The following SPTLC1 variants were observed in gnomAD, a reference collection of about 807,000 sequenced individuals.
SPTLC1 encodes serine palmitoyltransferase 1.
Under a neutral mutation model 68.9 loss-of-function variants are expected in SPTLC1, and 55 were observed. The ratio of observed to expected loss-of-function variants is 0.80; its 90% confidence interval spans 0.64 to 1.00. SPTLC1 has a LOEUF of 1.00. Ranked by LOEUF, SPTLC1 falls within the 50% of genes least tolerant of loss-of-function variation. The probability of loss-of-function intolerance (pLI) is 0.00; values close to 1 mark genes in which losing one functional copy is unlikely to be tolerated. For synonymous variants in SPTLC1, 197 were observed against 201.6 expected, an observed-to-expected ratio of 0.98 and a Z score of 0.19; for missense variants, 449 against 573.1, an observed-to-expected ratio of 0.78 and a Z score of 2.21.
chr9:92,066,694 TA>T (rs1345814751), intron 6 of SPTLC1, among the ~76,000 whole-genome samples: 4 of 152,152 alleles, frequency 2.6e-5, no homozygotes, highest in African/African-American at 9.7e-5. Context: ...ATTTACATTT[TA>T]AAAAGATTAC....
intron 3 of SPTLC1, among the ~76,000 whole-genome samples, chr9:92,082,901 G>C (rs1278411495): frequency 6.6e-6 from 1 of 151,904 alleles, no homozygotes; most frequent in African/African-American, 2.4e-5. Context: ...TCCAGCACCT[G>C]TTGTTTCCTG....
At position 92,105,802 on chromosome 9, in the gene SPTLC1, G is replaced by A. The variant is rs7467611; in HGVS notation, c.260+2938C>T. 9.7e-3 allele frequency among the ~76,000 whole-genome samples: 1,390 copies of A among 143,564 alleles called. 25 individuals are homozygous for A. Among genetic ancestry groups the A allele is most frequent in the African/African-American group, 0.035 (1,340 of 38,238 alleles). The allele number at this position is 143,564 out of a possible 152,430, so 94.2% of individuals were successfully genotyped here. ...AAGTAAGGAGCGCCTCTGCCTTGCC[G>A]CCGTCCTGTCTGCGAAGTGAGGAGT... On this transcript the variant is annotated intron_variant, in intron 3 of 14. Coordinates refer to ENST00000262554, the MANE Select transcript of SPTLC1 (RefSeq NM_006415.4).
chr9:92,087,660 G>T (rs1196337823), intron 3 of SPTLC1, among the ~76,000 whole-genome samples: 1 of 152,184 alleles, frequency 6.6e-6, no homozygotes, highest in African/African-American at 2.4e-5. Flanking sequence ...CCTACTGGGG[G>T]GTGCCTCCCA....
At chr9:92,090,051 A>G (rs1337153454) in intron 3 of SPTLC1, among the ~76,000 whole-genome samples, 4 of 152,276 alleles carry the variant, frequency 2.6e-5, no homozygotes, top group South Asian at 2.1e-4. Flanking sequence ...GAATCTCTAC[A>G]TAACAATCTA....
chr9:92,057,711 A>C (rs958438230), intron 7 of SPTLC1, among the ~76,000 whole-genome samples: 2 of 152,212 alleles, frequency 1.3e-5, no homozygotes, highest in Non-Finnish European at 1.5e-5. Context: ...ATGGACAAAG[A>C]AAACATTCAA....
intron 6 of SPTLC1, among the ~76,000 whole-genome samples, chr9:92,064,087 T>C (rs868371843): frequency 6.6e-6 from 1 of 152,232 alleles, no homozygotes; most frequent in African/African-American, 2.4e-5. Context: ...ACTGTCTACA[T>C]GGAAAATCCT....
chr9:92,098,009 G>A (rs1353108178), intron 3 of SPTLC1, among the ~76,000 whole-genome samples: 2 of 152,162 alleles, frequency 1.3e-5, no homozygotes, highest in South Asian at 2.1e-4. Context: ...TTGAAGAAAA[G>A]TAACACTGAA....
intron 6 of SPTLC1, among the ~76,000 whole-genome samples, chr9:92,065,865 G>A (rs1461705806): frequency 6.6e-6 from 1 of 152,154 alleles, no homozygotes; most frequent in Non-Finnish European, 1.5e-5. Flanking sequence ...GTGAGGAATG[G>A]GTCACATGTA....
chr9:92,035,453 T>C (rs960746620), intron 13 of SPTLC1, among the ~76,000 whole-genome samples: 5 of 152,328 alleles, frequency 3.3e-5, no homozygotes, highest in African/African-American at 1.2e-4. Context: ...ATTAACCATC[T>C]GTCAACATTA....
In SPTLC1 at chr9:92,068,334, G is replaced by A. The variant is rs1834365119; in HGVS notation, c.428-236C>T. 7.2e-5 allele frequency among the ~76,000 whole-genome samples: 11 copies of A among 152,256 alleles called. No homozygotes were observed. The South Asian group carries it at 2.3e-3, about 32-fold the overall frequency. ...GCATCTATCTGCAAAATGTGTTACT[G>A]GGGCAGTTCCAACTTCTGGTTATGC... On this transcript the variant is annotated intron_variant, in intron 5 of 14. Transcript: ENST00000262554.
chr9:92,064,866 C>CAA, intron 6 of SPTLC1, among the ~76,000 whole-genome samples: 1 of 152,212 alleles, frequency 6.6e-6, no homozygotes, highest in African/African-American at 2.4e-5. Context: ...GTGTTGCCTA[C>CAA]TGGATGATTC....
intron 12 of SPTLC1, among the ~76,000 whole-genome samples, chr9:92,039,880 A>G (rs1833278603): frequency 6.6e-6 from 1 of 152,194 alleles, no homozygotes; most frequent in Admixed American, 6.5e-5. Flanking sequence ...ATCTCTCAAT[A>G]AAGCAGGCTA....
intron 3 of SPTLC1, among the ~76,000 whole-genome samples, chr9:92,102,367 CTG>C (rs1835785804): frequency 6.6e-6 from 1 of 152,216 alleles, no homozygotes; most frequent in South Asian, 2.1e-4. Flanking sequence ...CATATTCAAA[CTG>C]AGAATTCTAC....
At chr9:92,104,818 C>T (rs2118804801) in intron 3 of SPTLC1, 1 of 1,531,102 alleles carries the variant, frequency 6.5e-7, no homozygotes, top group South Asian at 1.2e-5. Flanking sequence ...ATCCCAGGCC[C>T]TTGGAGGGAA....
chr9:92,074,141 C>T (rs1344098126), intron 5 of SPTLC1, among the ~76,000 whole-genome samples: 3 of 152,122 alleles, frequency 2.0e-5, no homozygotes, highest in Non-Finnish European at 4.4e-5. Context: ...CGCCAAGCTT[C>T]GGGTAACTCT....
chr9:92,050,522 C>T (rs1296647249), intron 8 of SPTLC1: 1 of 180,774 alleles, frequency 5.5e-6, no homozygotes, highest in Non-Finnish European at 1.2e-5. Context: ...GTTAGAGAAG[C>T]TTTGTTCAGG....
intron 3 of SPTLC1, among the ~76,000 whole-genome samples, chr9:92,100,042 C>A (rs766209108): frequency 6.7e-6 from 1 of 148,932 alleles, no homozygotes; most frequent in Non-Finnish European, 1.5e-5. Context: ...TTAAGTGACG[C>A]ATGACTGTAA....
chr9:92,087,671 G>A (rs1411465496), intron 3 of SPTLC1, among the ~76,000 whole-genome samples: 3 of 152,238 alleles, frequency 2.0e-5, no homozygotes, highest in Admixed American at 1.3e-4. Flanking sequence ...GTGCCTCCCA[G>A]TTAGGCTGCT....
At chr9:92,099,497 T>A (rs1354154775) in intron 3 of SPTLC1, among the ~76,000 whole-genome samples, 2 of 138,136 alleles carry the variant, frequency 1.4e-5, no homozygotes, top group Non-Finnish European at 3.0e-5. Flanking sequence ...TTTTTTTTTT[T>A]AAGACAGGGT....
Sources: allele counts gnomAD v4.1 joint callset (sites outside exome capture counted in the v4.1 genomes callset), GRCh38; gene constraint gnomAD v4.1.1; transcripts MANE v1.5; gene names NCBI Gene and HGNC (gene_info 2026-07-23, HGNC 2026-07-21).